Variants in MAGED1 observed in about 807,000 individuals in gnomAD.
MAGED1 encodes the protein MAGE family member D1.
Under a neutral mutation model 54.1 loss-of-function variants are expected in MAGED1, and 3 were observed. The ratio of observed to expected loss-of-function variants is 0.06; its 90% confidence interval spans 0.03 to 0.14. MAGED1 has a LOEUF of 0.14. Among genes scored for constraint, MAGED1 ranks in the 10% least tolerant of loss-of-function variants. The pLI is 1.00. For missense variants in MAGED1, 485 were observed against 623.4 expected (o/e 0.78, Z 2.36); for synonymous variants, 217 against 227.3 (o/e 0.95, Z 0.41).
intron 12 of MAGED1, 102 bp from the exon 13 acceptor site, chrX:51,902,044 G>C (rs1344166316): frequency 9.7e-6 from 8 of 827,440 alleles, no homozygotes; most frequent in African/African-American, 2.0e-5. Context: ...ACTCATTGTA[G>C]GGAGATGAGG....
chrX:51,863,043 C>T (rs782739677), intron 1 of MAGED1, among the ~76,000 whole-genome samples: 1 of 111,468 alleles, frequency 9.0e-6, no homozygotes, highest in African/African-American at 3.3e-5. Context: ...CTATATTCAC[C>T]ATGCTGTACA....
intron 1 of MAGED1, among the ~76,000 whole-genome samples, chrX:51,863,690 T>C (rs1310210642): frequency 6.2e-5 from 7 of 112,196 alleles, no homozygotes; most frequent in Admixed American, 5.7e-4. Flanking sequence ...TGAGATGTTA[T>C]CTCATTGTGG....
At chrX:51,882,622 A>G (rs1379170743) in intron 1 of MAGED1, among the ~76,000 whole-genome samples, 4 of 110,827 alleles carry the variant, frequency 3.6e-5, no homozygotes, top group Non-Finnish European at 5.7e-5. Context: ...AAAAAAAAAA[A>G]AAAGCTTCAA....
intron 1 of MAGED1, among the ~76,000 whole-genome samples, chrX:51,867,504 T>C (rs1309168066): frequency 1.8e-5 from 2 of 111,500 alleles, no homozygotes; most frequent in African/African-American, 6.5e-5. Context: ...GCTGGGAGGC[T>C]AGGTCAGTCT....
chrX:51,888,540 A>C (rs1240837713), upstream of MAGED1, among the ~76,000 whole-genome samples: 1 of 112,104 alleles, frequency 8.9e-6, no homozygotes, highest in Non-Finnish European at 1.9e-5. Flanking sequence ...TGGTATGATC[A>C]CTCTAGGAAA....
At chrX:51,829,727 T>C (rs995380291) in intron 1 of MAGED1, among the ~76,000 whole-genome samples, 1 of 111,550 alleles carries the variant, frequency 9.0e-6, no homozygotes, top group East Asian at 2.8e-4. Flanking sequence ...ATTGCACTAA[T>C]AACAAGGACA....
At chrX:51,806,400 A>G (rs782733728) in intron 1 of MAGED1, among the ~76,000 whole-genome samples, 1 of 112,024 alleles carries the variant, frequency 8.9e-6, no homozygotes, top group African/African-American at 3.2e-5. Context: ...GTCCTCTGTC[A>G]TTGTATAATA....
At chrX:51,816,926 T>C (rs1288663814) in intron 1 of MAGED1, among the ~76,000 whole-genome samples, 1 of 111,533 alleles carries the variant, frequency 9.0e-6, no homozygotes, top group Non-Finnish European at 1.9e-5. Flanking sequence ...GGGCTCAAAT[T>C]GGTTATTATG....
chrX:51,851,524 CAAT>C (rs1926891351), intron 1 of MAGED1, among the ~76,000 whole-genome samples: 1 of 110,987 alleles, frequency 9.0e-6, no homozygotes, highest in South Asian at 3.8e-4. Context: ...CAGTTAACAA[CAAT>C]AACTAATAAT....
intron 1 of MAGED1, among the ~76,000 whole-genome samples, chrX:51,823,044 C>T (rs940346886): frequency 9.0e-6 from 1 of 111,425 alleles, no homozygotes; most frequent in East Asian, 2.8e-4. Context: ...TATTTCAGTC[C>T]GTTTTATGGA....
chrX:51,831,365 AC>A (rs1411171336), intron 1 of MAGED1, among the ~76,000 whole-genome samples: 1 of 112,198 alleles, frequency 8.9e-6, no homozygotes, highest in Non-Finnish European at 1.9e-5. Context: ...TAATCCCAGC[AC>A]TTGGGGAGGC....
At chrX:51,849,140 T>A (rs782431556) in intron 1 of MAGED1, among the ~76,000 whole-genome samples, 32 of 111,255 alleles carry the variant, frequency 2.9e-4, no homozygotes, top group African/African-American at 9.4e-4. Flanking sequence ...AATTTTTTTC[T>A]GAATGATTAA....
intron 1 of MAGED1, among the ~76,000 whole-genome samples, chrX:51,875,505 C>T (rs1927835192): frequency 9.0e-6 from 1 of 111,711 alleles, no homozygotes; most frequent in African/African-American, 3.3e-5. Flanking sequence ...TGTTCAGTGT[C>T]TTCAAAAACC....
chrX:51,864,189 AGT>A (rs141456748), intron 1 of MAGED1, among the ~76,000 whole-genome samples: 25,253 of 99,880 alleles, frequency 0.25, 2,597 homozygotes, highest in Non-Finnish European at 0.31. Context: ...AGAGAGAGAG[AGT>A]GTGTGTGTGT....
At chrX:51,874,237 C>T (rs1207688716) in intron 1 of MAGED1, among the ~76,000 whole-genome samples, 1 of 111,171 alleles carries the variant, frequency 9.0e-6, no homozygotes, top group Non-Finnish European at 1.9e-5. Context: ...AGACAGTAAT[C>T]GCAGACTCAA....
intron 1 of MAGED1, among the ~76,000 whole-genome samples, chrX:51,805,873 C>T (rs1206431076): frequency 1.8e-5 from 2 of 108,607 alleles, no homozygotes; most frequent in Non-Finnish European, 3.8e-5. Context: ...AACCATTTGA[C>T]ACTTGCAGGC....
intron 1 of MAGED1, among the ~76,000 whole-genome samples, chrX:51,815,709 C>T (rs989207199): frequency 1.1e-4 from 12 of 109,077 alleles, no homozygotes; most frequent in East Asian, 2.9e-4. Context: ...TTAGTAGAGA[C>T]GGGGTTTCTC....
At chrX:51,837,271 AGT>A (rs1198555887) in intron 1 of MAGED1, among the ~76,000 whole-genome samples, 1 of 112,333 alleles carries the variant, frequency 8.9e-6, no homozygotes, top group Non-Finnish European at 1.9e-5. Context: ...GAGTTTAAAA[AGT>A]GTTAAGATTC....
intron 1 of MAGED1, among the ~76,000 whole-genome samples, chrX:51,855,247 T>G (rs1481261779): frequency 8.9e-6 from 1 of 112,464 alleles, no homozygotes; most frequent in African/African-American, 3.2e-5. Context: ...TATTTTACAT[T>G]ATAAAAGTAG....
Sources: gnomAD v4.1 joint callset for allele counts (sites outside exome capture counted in the v4.1 genomes callset) on GRCh38, gnomAD v4.1.1 for gene constraint, MANE v1.5 for transcripts, NCBI Gene and HGNC (gene_info 2026-07-23, HGNC 2026-07-21) for gene names.